Variants in WDFY3 observed in about 807,000 individuals in gnomAD.
WDFY3 encodes WD repeat and FYVE domain-containing protein 3.
Under a neutral mutation model 409.6 loss-of-function variants are expected in WDFY3, and 66 were observed. The ratio of observed to expected loss-of-function variants is 0.16; its 90% CI spans 0.13 to 0.20. The LOEUF (loss-of-function observed/expected upper bound fraction) is 0.20. Among genes scored for constraint, WDFY3 ranks in the 10% least tolerant of loss-of-function variants. The pLI is 1.00. For synonymous variants in WDFY3, 1,521 were observed against 1,537.1 expected, an observed-to-expected ratio of 0.99 and a Z score of 0.25; for missense variants, 3,031 against 4,298.1, an observed-to-expected ratio of 0.71 and a Z score of 8.24.
chr4:84,744,680 C>T (rs1287292801), intron 36 of WDFY3, among the ~76,000 whole-genome samples: 2 of 150,736 alleles, frequency 1.3e-5, no homozygotes, highest in African/African-American at 2.4e-5. Context: ...GGTGAAACCC[C>T]GTCTCTACTA....
intron 29 of WDFY3, 114 bp from the exon 30 acceptor site, chr4:84,773,043 T>G (rs1473486866): frequency 1.3e-6 from 1 of 757,016 alleles, no homozygotes; most frequent in African/African-American, 1.9e-5. Context: ...TACTTTTTTT[T>G]TTTTTCATAA....
At chr4:84,798,381 T>C (rs1749883862) in intron 17 of WDFY3, among the ~76,000 whole-genome samples, 1 of 152,182 alleles carries the variant, frequency 6.6e-6, no homozygotes, top group South Asian at 2.1e-4. Flanking sequence ...AGGAATTTAA[T>C]AAATTCCAAC....
rs1235911452 is a variant in WDFY3, at chr4:84,759,411, T to C, written c.5189-2250A>G. 1.1e-4 allele frequency among the ~76,000 whole-genome samples: 17 copies of C among 152,290 alleles called. No individual in the cohort carries two copies. The South Asian group carries it at 2.5e-3, about 22-fold the overall frequency. ...ACCTTGGGCAGTATGACCATTTTCA[T>C]GATATTGATTCTTCCTACCCATGAG... On this transcript the variant is annotated intron_variant, in intron 32 of 67. Coordinates refer to ENST00000295888, the MANE Select transcript of WDFY3 (RefSeq NM_014991.6).
At position 84,786,113 on chromosome 4, in the gene WDFY3, C is replaced by A. The variant is rs778469198; in HGVS notation, c.3928G>T (p.Val1310Leu). Reference protein sequence around the residue: ...PCKDAKSEGVVPSPVSLVPEE... With the variant: ...PCKDAKSEGVLPSPVSLVPEE... ...GGTACTAATGACACAGGGGATGGCA[C>A]CACCCCTTCGGATTTTGCATCTTTA... The change falls in exon 24 of 68, where the codon GTG becomes TTG. Residue 1310 changes from valine to leucine, a missense_variant. This residue lies in a region of WDFY3 where 1,322 missense variants were observed against 1,697.9 expected (regional missense o/e 0.78). Transcript: ENST00000295888. 88 of 1,606,814 alleles carry A rather than the reference C, an allele frequency of 5.5e-5. 1 individual carries two copies. In the Admixed American group the frequency reaches 1.5e-3, roughly 27 times the overall value.
intron 3 of WDFY3, among the ~76,000 whole-genome samples, chr4:84,884,743 A>C (rs1457727740): frequency 1.3e-5 from 2 of 152,198 alleles, no homozygotes; most frequent in Admixed American, 6.5e-5. Context: ...GTATAACAAC[A>C]AACTGACCAA....
intron 62 of WDFY3, among the ~76,000 whole-genome samples, chr4:84,685,323 GCAC>G (rs1456122123): frequency 1.3e-5 from 2 of 152,198 alleles, no homozygotes; most frequent in Non-Finnish European, 2.9e-5. Context: ...AGTCTGTGCT[GCAC>G]CGTCTGTGCT....
At position 84,741,786 on chromosome 4, in the gene WDFY3, T is replaced by C; in HGVS notation, c.6209A>G (p.Asp2070Gly). 1 of 1,611,740 alleles carries C rather than the reference T, an allele frequency of 6.2e-7. No homozygotes were observed. Among genetic ancestry groups the C allele is most frequent in the Non-Finnish European group, 8.5e-7 (1 of 1,178,348 alleles). Residue 2070 changes from aspartate (D) to glycine (G), a missense_variant, in exon 38 of 68, where the codon GAT becomes GGT. Physicochemically the swap from Asp to Gly is moderately conservative, Grantham distance 94. Around this residue, in one of 16 missense-constraint regions of WDFY3, gnomAD observed 314 missense variants for 397.4 expected, o/e 0.79. Coordinates refer to ENST00000295888, the MANE Select transcript of WDFY3 (RefSeq NM_014991.6). ...MFNKESKLLIDFIIQLIAQSK... is the reference protein window; with the variant it reads ...MFNKESKLLIGFIIQLIAQSK... ...CTGTGCAATTAGTTGAATTATAAAA[T>C]CTATAAGAAGTTTAGATTCTTTGTT...
intron 24 of WDFY3, among the ~76,000 whole-genome samples, chr4:84,783,628 T>G (rs1256840469): frequency 6.6e-6 from 1 of 152,200 alleles, no homozygotes; most frequent in Non-Finnish European, 1.5e-5. Context: ...TTGTTATCAC[T>G]AACTGCCTCA....
chr4:84,871,113 C>T (rs915747578), intron 3 of WDFY3, among the ~76,000 whole-genome samples: 3 of 152,064 alleles, frequency 2.0e-5, no homozygotes, highest in East Asian at 3.9e-4. Flanking sequence ...ACCACAGATA[C>T]AGGAAGCCCA....
intron 9 of WDFY3, among the ~76,000 whole-genome samples, chr4:84,828,101 G>A (rs1210971823): frequency 6.6e-6 from 1 of 151,836 alleles, no homozygotes; most frequent in Non-Finnish European, 1.5e-5. Context: ...GAGGGAGGAA[G>A]GGAGGAAGGA....
intron 3 of WDFY3, among the ~76,000 whole-genome samples, chr4:84,879,756 T>G (rs1450167733): frequency 6.6e-6 from 1 of 151,940 alleles, no homozygotes; most frequent in Non-Finnish European, 1.5e-5. Flanking sequence ...ACATTCAAAA[T>G]ATGCGAAGAA....
At chr4:84,853,080 A>G (rs1175742243) in intron 4 of WDFY3, among the ~76,000 whole-genome samples, 1 of 151,964 alleles carries the variant, frequency 6.6e-6, no homozygotes, top group Non-Finnish European at 1.5e-5. Context: ...TTCTTTAACA[A>G]ACTGAAGACT....
chr4:84,771,205 C>A (rs1365291143), intron 30 of WDFY3, among the ~76,000 whole-genome samples: 1 of 152,142 alleles, frequency 6.6e-6, no homozygotes, highest in African/African-American at 2.4e-5. Flanking sequence ...GGCACAATTA[C>A]AATTCACTAC....
At position 84,829,270 on chromosome 4, in the gene WDFY3, A is replaced by T. The variant is rs1401961415; in HGVS notation, c.770-80T>A. On this transcript the variant is annotated intron_variant, in intron 8 of 67. Transcript: ENST00000295888. ...ATTTTTTAATTGTTAACTGTTGTTT[A>T]ATGAAACATTAAATTTTAACATATC... 4.3e-6 allele frequency: 5 copies of T among 1,154,248 alleles called. No homozygotes were observed. In the Admixed American group the frequency reaches 1.3e-4, roughly 31 times the overall value. The allele number at this position is 1,154,248 out of a possible 1,614,324, so 71.5% of individuals were successfully genotyped here.
chr4:84,716,962 C>T lies in WDFY3; in HGVS notation c.7809G>A (p.Lys2603=), dbSNP rs574840099. ...RGARQGPSQL[K]RTCSIFAYED... ...CATATGCAAAAATGCTGCATGTTCT[C>T]TTGAGTTGACTAGGGCCTTGCCTGG... The change falls in exon 49 of 68, where the codon AAG becomes AAA. Residue 2603 remains lysine, a synonymous_variant. Transcript: ENST00000295888. 2 of 1,609,010 alleles carry T rather than the reference C, an allele frequency of 1.2e-6. No individual in the cohort carries two copies. The highest frequency in any genetic ancestry group is 2.7e-5 in the African/African-American group (2 of 74,746).
chr4:84,747,276 T>C (rs931963966), intron 36 of WDFY3, among the ~76,000 whole-genome samples: 6 of 152,216 alleles, frequency 3.9e-5, no homozygotes, highest in Non-Finnish European at 7.3e-5. Context: ...ACAGTGGCTA[T>C]GGAAGGAAGG....
chr4:84,733,631 C>T (rs529478288), intron 43 of WDFY3, 22 bp from the exon 44 acceptor site: 4 of 1,583,422 alleles, frequency 2.5e-6, no homozygotes, highest in Admixed American at 3.7e-5. Context: ...GAGTCCAGGT[C>T]GGTTTTCAAG....
At chr4:84,868,519 A>G (rs1025310375) in intron 3 of WDFY3, among the ~76,000 whole-genome samples, 1 of 152,210 alleles carries the variant, frequency 6.6e-6, no homozygotes, top group African/African-American at 2.4e-5. Flanking sequence ...GAGATACTAC[A>G]AGATTAGCCC....
rs555603110 is a variant in WDFY3 at position 84,826,869 on chromosome 4, T to C, written c.1069A>G (p.Thr357Ala). Residue 357 changes from threonine to alanine, a missense_variant, in exon 10 of 68, where the codon ACA becomes GCA. By Grantham distance (58) the Thr-to-Ala change is moderately conservative. This residue lies in a region of WDFY3 where 1,322 missense variants were observed against 1,697.9 expected (regional missense o/e 0.78). Transcript: ENST00000295888. Reference protein sequence around the residue: ...VSELKPAGITTGAPFLLPGFA... With the variant: ...VSELKPAGITAGAPFLLPGFA... ...CCAGGCAATAAAAAGGGTGCCCCTG[T>C]GGTAATACCAGCTGGTTTTAGTTCA... 1.7e-5 allele frequency: 28 copies of C among 1,610,404 alleles called. No homozygotes were observed. The East Asian group carries it at 3.8e-4, about 22-fold the overall frequency.
Sources: gnomAD v4.1 joint callset for allele counts (sites outside exome capture counted in the v4.1 genomes callset) on GRCh38, gnomAD v4.1.1 for gene constraint, gnomAD v4.1.1 regional missense constraint, MANE v1.5 for transcripts, NCBI Gene and HGNC (gene_info 2026-07-23, HGNC 2026-07-21) for gene names.